EFR3A: variants seen among roughly 807,000 people sequenced by gnomAD.
The protein encoded by EFR3A is protein EFR3 homolog A.
In EFR3A, 76 loss-of-function variants were observed where a neutral mutation model predicts 104.4. The observed-to-expected ratio is 0.73, with a 90% confidence interval of 0.60 to 0.88. The LOEUF is 0.88. Ranked by LOEUF, EFR3A falls within the 40% of genes least tolerant of loss-of-function variation. The pLI is 0.00. For missense variants in EFR3A, 985 were observed against 1,012.5 expected, an observed-to-expected ratio of 0.97 and a Z score of 0.37; for synonymous variants, 330 against 330.0, an observed-to-expected ratio of 1.00 and a Z score of 0.00.
At chr8:131,946,384 T>C in intron 3 of EFR3A, 99 bp from the exon 4 acceptor site, 1 of 1,163,032 alleles carries the variant, frequency 8.6e-7, no homozygotes, top group East Asian at 3.0e-5. Context: ...CTTTCTTTGG[T>C]GTATTTCAAT....
chr8:131,952,753 C>A (rs1274899349), intron 5 of EFR3A, among the ~76,000 whole-genome samples: 5 of 152,152 alleles, frequency 3.3e-5, no homozygotes, highest in Admixed American at 6.6e-5. Flanking sequence ...TCATTTTTCT[C>A]ACCTGTTCAG....
intron 18 of EFR3A, among the ~76,000 whole-genome samples, chr8:131,991,265 C>G (rs1821167397): frequency 6.6e-6 from 1 of 152,224 alleles, no homozygotes; most frequent in Middle Eastern, 3.4e-3. Context: ...ATTCAGTTAC[C>G]TACCACTGTG....
chr8:131,930,643 A>G (rs1432893981), intron 1 of EFR3A, among the ~76,000 whole-genome samples: 3 of 152,076 alleles, frequency 2.0e-5, no homozygotes, highest in East Asian at 3.9e-4. Context: ...TCATTTATAC[A>G]AGTTACTTAG....
At chr8:131,929,288 G>A (rs1040555281) in intron 1 of EFR3A, among the ~76,000 whole-genome samples, 1 of 152,080 alleles carries the variant, frequency 6.6e-6, no homozygotes, top group Admixed American at 6.6e-5. Context: ...ATACTCAGTT[G>A]TTTCCAAGTC....
In EFR3A at chr8:132,012,627, A is replaced by T. The variant is rs1822401504; in HGVS notation, c.*1732A>T. On this transcript the variant is annotated 3_prime_UTR_variant, in exon 23 of 23. Coordinates refer to ENST00000254624, the MANE Select transcript of EFR3A (RefSeq NM_015137.6). ...TTTCCTTCTGTATTTTTAAAGAAGGATGTTAATTTTTGACTATATATTTTA... is the reference window on the plus strand; with the variant it reads ...TTTCCTTCTGTATTTTTAAAGAAGGTTGTTAATTTTTGACTATATATTTTA... The T allele has an allele frequency of 6.6e-6, 1 of 152,512 alleles. No individual in the cohort carries two copies. Among genetic ancestry groups the T allele is most frequent in the Non-Finnish European group, 1.5e-5 (1 of 68,022 alleles). The allele number at this position is 152,512 out of a possible 1,614,324, so 9.4% of individuals were successfully genotyped here. A position where few individuals can be genotyped will look rare whatever the true frequency, so the allele number is the denominator to read the frequency against.
intron 1 of EFR3A, among the ~76,000 whole-genome samples, chr8:131,934,094 C>T (rs1817750830): frequency 6.6e-6 from 1 of 152,068 alleles, no homozygotes; most frequent in East Asian, 1.9e-4. Flanking sequence ...GATTAAAATC[C>T]TTTTAAAAGG....
intron 2 of EFR3A, 113 bp from the exon 3 acceptor site, chr8:131,944,632 A>G (rs1197816364): frequency 9.4e-6 from 10 of 1,067,008 alleles, no homozygotes; most frequent in South Asian, 3.4e-5. Context: ...AGGGTTCTAC[A>G]TAAATATCGT....
intron 15 of EFR3A, 33 bp downstream of exon 15, chr8:131,984,333 ATT>A: frequency 6.8e-7 from 1 of 1,472,996 alleles, no homozygotes; most frequent in Non-Finnish European, 9.0e-7. Flanking sequence ...TGCAGAAAAC[ATT>A]TTTTATAAAG....
At chr8:131,972,953 T>A (rs1385929225) in intron 10 of EFR3A, among the ~76,000 whole-genome samples, 2 of 151,442 alleles carry the variant, frequency 1.3e-5, no homozygotes, top group Non-Finnish European at 2.9e-5. Context: ...ATTGGACATA[T>A]GCGTACACCA....
At chr8:132,003,557 T>G (rs1384443290) in intron 22 of EFR3A, among the ~76,000 whole-genome samples, 1 of 151,646 alleles carries the variant, frequency 6.6e-6, no homozygotes, top group Non-Finnish European at 1.5e-5. Flanking sequence ...CTTAAGTACA[T>G]CTGGGTAATT....
At chr8:132,003,981 C>A (rs994485343) in intron 22 of EFR3A, among the ~76,000 whole-genome samples, 1 of 152,136 alleles carries the variant, frequency 6.6e-6, no homozygotes, top group African/African-American at 2.4e-5. Flanking sequence ...GCATATCTTT[C>A]ATATTTTTAA....
At chr8:131,994,465 A>G (rs150508625) in intron 18 of EFR3A, among the ~76,000 whole-genome samples, 1 of 152,258 alleles carries the variant, frequency 6.6e-6, no homozygotes, top group East Asian at 1.9e-4. Context: ...TCTGTGTACC[A>G]TGCATGCATT....
rs949388392 is a variant in EFR3A, at chr8:131,976,800, C to A, written c.1275-241C>A. On this transcript the variant is annotated intron_variant, in intron 11 of 22. Transcript: ENST00000254624. The stretch of plus-strand genomic sequence containing the variant: ...TGTTTATATGATTTAATTTTCTTGT[C>A]ATCAGATGCATAGGACTGTTTGAGA... Among the ~76,000 whole-genome samples the A allele has an allele frequency of 2.0e-5, 3 of 151,976 alleles. No individual in the cohort carries two copies. In the East Asian group the frequency reaches 5.8e-4, roughly 29 times the overall value.
intron 10 of EFR3A, among the ~76,000 whole-genome samples, chr8:131,970,931 CTCTG>C (rs1293376041): frequency 1.3e-5 from 2 of 152,042 alleles, no homozygotes; most frequent in African/African-American, 4.8e-5. Flanking sequence ...TTCTCTCTCT[CTCTG>C]TTTCTTTCTC....
intron 18 of EFR3A, among the ~76,000 whole-genome samples, chr8:131,991,828 A>G (rs910040609): frequency 1.3e-5 from 2 of 152,094 alleles, no homozygotes; most frequent in African/African-American, 4.8e-5. Flanking sequence ...GGGGGGTGAG[A>G]AGGCAGGTAG....
chr8:132,003,608 A>G (rs1245094837), intron 22 of EFR3A, among the ~76,000 whole-genome samples: 1 of 152,198 alleles, frequency 6.6e-6, no homozygotes, highest in African/African-American at 2.4e-5. Context: ...TAATTAGGAA[A>G]TTGCTCATAT....
chr8:131,923,215 G>GT (rs1817135438), intron 1 of EFR3A, among the ~76,000 whole-genome samples: 1 of 152,136 alleles, frequency 6.6e-6, no homozygotes, highest in Non-Finnish European at 1.5e-5. Flanking sequence ...TTTCGGCAAA[G>GT]TATTATGTGG....
chr8:131,913,315 A>G (rs191648978), intron 1 of EFR3A, among the ~76,000 whole-genome samples: 3 of 152,068 alleles, frequency 2.0e-5, no homozygotes. Context: ...TCTCAAGTAT[A>G]TTCTAAAGCA....
chr8:131,944,894 A>G (rs996807666), intron 3 of EFR3A, 22 bp downstream of exon 3: 2 of 1,597,614 alleles, frequency 1.3e-6, no homozygotes, highest in Non-Finnish European at 1.7e-6. Context: ...AATGGCTGCT[A>G]AAATAGTATC....
Sources: allele counts gnomAD v4.1 joint callset (sites outside exome capture counted in the v4.1 genomes callset), GRCh38; gene constraint gnomAD v4.1.1; transcripts MANE v1.5; gene names NCBI Gene and HGNC (gene_info 2026-07-23, HGNC 2026-07-21).